Variants in DYNC2I2 observed in about 807,000 individuals in gnomAD.
DYNC2I2 encodes dynein 2 intermediate chain 2.
A neutral mutation model predicts 52.0 loss-of-function variants in DYNC2I2; 39 were observed. The ratio of observed to expected loss-of-function variants is 0.75; its 90% CI spans 0.58 to 0.98. DYNC2I2 has a LOEUF of 0.98. DYNC2I2 is among the 50% of genes least tolerant of loss of function. DYNC2I2 has a pLI of 0.00. For synonymous variants in DYNC2I2, 359 were observed against 321.1 expected, an observed-to-expected ratio of 1.12 and a Z score of -1.26; for missense variants, 743 against 728.4, an observed-to-expected ratio of 1.02 and a Z score of -0.23.
chr9:128,661,481 C>T (rs1860917934), upstream of DYNC2I2, among the ~76,000 whole-genome samples: 2 of 151,204 alleles, frequency 1.3e-5, no homozygotes, highest in African/African-American at 4.9e-5. Flanking sequence ...ATACGGGTGA[C>T]ATAGCGGGTG....
At chr9:128,673,683 C>T in the DYNC2I2 span, among the ~76,000 whole-genome samples, 1 of 151,298 alleles carries the variant, frequency 6.6e-6, no homozygotes, top group East Asian at 1.9e-4. Flanking sequence ...TGTTTTTGTA[C>T]TTTTAGTAGA....
upstream of DYNC2I2, among the ~76,000 whole-genome samples, chr9:128,658,721 A>ATTT (rs746310535): frequency 1.2e-3 from 111 of 91,496 alleles, 1 homozygote; most frequent in Non-Finnish European, 1.6e-3. Flanking sequence ...ACCTGACCTA[A>ATTT]TTTTTTTTTT....
chr9:128,681,588 A>T, the DYNC2I2 span, among the ~76,000 whole-genome samples: 175 of 152,200 alleles, frequency 1.1e-3, 2 homozygotes, highest in Non-Finnish European at 1.9e-3. Context: ...TGTAGGGAGG[A>T]GTACCATTGC....
At chr9:128,683,841 T>G in the DYNC2I2 span, 9 of 1,453,188 alleles carry the variant, frequency 6.2e-6, no homozygotes, top group South Asian at 2.5e-5. Context: ...GTGTTCAGCC[T>G]GCTTCCGGAC....
At chr9:128,635,023 C>T in intron 6 of DYNC2I2, 69 bp downstream of exon 6, 3 of 1,583,026 alleles carry the variant, frequency 1.9e-6, no homozygotes, top group Non-Finnish European at 2.6e-6. Context: ...AAGTCAGGCC[C>T]ACTGCCACAC....
chr9:128,639,086 T>C (rs937720281), intron 2 of DYNC2I2, among the ~76,000 whole-genome samples: 4 of 151,322 alleles, frequency 2.6e-5, no homozygotes, highest in Non-Finnish European at 4.4e-5. Flanking sequence ...CTGGGCAACA[T>C]AGGAAGACCC....
At chr9:128,637,285 CCA>C (rs1259978250) in intron 2 of DYNC2I2, among the ~76,000 whole-genome samples, 3 of 152,240 alleles carry the variant, frequency 2.0e-5, no homozygotes, top group Admixed American at 6.5e-5. Context: ...CAGGCACACT[CCA>C]CAGTTTCCAA....
the DYNC2I2 span, among the ~76,000 whole-genome samples, chr9:128,676,689 G>A: frequency 6.6e-6 from 1 of 151,784 alleles, no homozygotes; most frequent in African/African-American, 2.4e-5. Context: ...CTGTCACCAC[G>A]CCAGGCTAAT....
intron 1 of DYNC2I2, among the ~76,000 whole-genome samples, chr9:128,648,874 G>A (rs1367649216): frequency 6.6e-6 from 1 of 151,922 alleles, no homozygotes; most frequent in Non-Finnish European, 1.5e-5. Context: ...CTCACTTAGA[G>A]GCCCAGAGCT....
intron 2 of DYNC2I2, among the ~76,000 whole-genome samples, chr9:128,640,440 C>T (rs1390203326): frequency 2.6e-5 from 4 of 152,204 alleles, no homozygotes; most frequent in Non-Finnish European, 5.9e-5. Context: ...TCACTCTGGA[C>T]GTTACTTCCA....
At chr9:128,639,769 G>T (rs1860476967) in intron 2 of DYNC2I2, among the ~76,000 whole-genome samples, 1 of 150,588 alleles carries the variant, frequency 6.6e-6, no homozygotes, top group South Asian at 2.1e-4. Flanking sequence ...GGGTTAAAGT[G>T]ATTCTCCTGC....
intron 8 of DYNC2I2, 97 bp downstream of exon 8, chr9:128,634,129 C>T: frequency 5.1e-6 from 8 of 1,575,012 alleles, no homozygotes; most frequent in Non-Finnish European, 6.9e-6. Context: ...TCCTTACCCC[C>T]ATGTGTGGTC....
Position 128,634,000 on chromosome 9 carries a change from T to TA in DYNC2I2, c.1373-19dup, listed in dbSNP as rs757444230. 66 of 1,612,226 alleles carry TA rather than the reference T, an allele frequency of 4.1e-5. No homozygotes were observed. The highest frequency in any genetic ancestry group is 4.5e-5 in the East Asian group (2 of 44,888). On this transcript the variant is annotated intron_variant, in intron 8 of 8. Transcript: ENST00000372715. ...CACGTCACCTGCAAAGAGAGACAGA[T>TA]ACGTGGAGTAAGAGAAACTCTAGAG...
At chr9:128,675,601 C>A in the DYNC2I2 span, among the ~76,000 whole-genome samples, 1 of 152,176 alleles carries the variant, frequency 6.6e-6, no homozygotes, top group Non-Finnish European at 1.5e-5. Context: ...CATGTAGGTC[C>A]AGCTGATGCT....
upstream of DYNC2I2, among the ~76,000 whole-genome samples, chr9:128,657,688 G>T (rs1404478312): frequency 6.6e-6 from 1 of 152,028 alleles, no homozygotes; most frequent in Non-Finnish European, 1.5e-5. Flanking sequence ...CGTGCCTGTA[G>T]TCCCACCTAC....
chr9:128,637,084 C>G, intron 2 of DYNC2I2, 57 bp from the exon 3 acceptor site: 1 of 1,294,796 alleles, frequency 7.7e-7, no homozygotes, highest in East Asian at 2.4e-5. Context: ...CTCATGACTG[C>G]CTAACCAAAC....
At chr9:128,639,295 G>A (rs1860467896) in intron 2 of DYNC2I2, among the ~76,000 whole-genome samples, 1 of 152,078 alleles carries the variant, frequency 6.6e-6, no homozygotes, top group South Asian at 2.1e-4. Flanking sequence ...CTGCTCAGGA[G>A]GCTGAGACAG....
chr9:128,666,021 G>A, the DYNC2I2 span, among the ~76,000 whole-genome samples: 1 of 151,312 alleles, frequency 6.6e-6, no homozygotes, highest in South Asian at 2.1e-4. Flanking sequence ...GTTGTAGTGA[G>A]CCTAGATGGC....
At chr9:128,654,559 C>CT (rs572234862) in intron 1 of DYNC2I2, among the ~76,000 whole-genome samples, 2 of 151,950 alleles carry the variant, frequency 1.3e-5, no homozygotes, top group African/African-American at 2.4e-5. Context: ...TTGCACTGAC[C>CT]TTTTTTTCCC....
Sources: gnomAD v4.1 joint callset for allele counts (sites outside exome capture counted in the v4.1 genomes callset) on GRCh38, gnomAD v4.1.1 for gene constraint, MANE v1.5 for transcripts, NCBI Gene and HGNC (gene_info 2026-07-23, HGNC 2026-07-21) for gene names.